Variants in CFAP100 observed in about 807,000 individuals in gnomAD.
CFAP100 encodes cilia and flagella associated protein 100.
A neutral mutation model predicts 81.5 loss-of-function variants in CFAP100; 70 were observed. The observed-to-expected ratio is 0.86, with a 90% CI of 0.71 to 1.05. The LOEUF is 1.05. Ranked by LOEUF, CFAP100 falls within the 50% of genes least tolerant of loss-of-function variation. The pLI is 0.00. For synonymous variants in CFAP100, 341 were observed against 314.8 expected, an observed-to-expected ratio of 1.08 and a Z score of -0.88; for missense variants, 811 against 776.5, an observed-to-expected ratio of 1.04 and a Z score of -0.53.
At chr3:126,418,243 A>C (rs2083272854) in intron 5 of CFAP100, 1 of 578,828 alleles carries the variant, frequency 1.7e-6, no homozygotes, top group Admixed American at 3.0e-5. Flanking sequence ...ACGCGGCCGG[A>C]CTCTGGCCAT....
At chr3:126,423,434 C>T in intron 12 of CFAP100, 58 bp downstream of exon 12, 1 of 1,607,626 alleles carries the variant, frequency 6.2e-7, no homozygotes, top group East Asian at 2.2e-5. Flanking sequence ...TCCCTGCCCC[C>T]ACCCCTGCCC....
rs143301144 is a variant in CFAP100, at chr3:126,395,924, C to T, written c.-59-18C>T. 6,363 of 1,284,500 alleles carry T rather than the reference C, an allele frequency of 5.0e-3. 24 individuals are homozygous for T. Among genetic ancestry groups the T allele is most frequent in the Non-Finnish European group, 5.9e-3 (5,207 of 885,276 alleles). 79.6% of individuals were successfully genotyped at this position (1,284,500 alleles called of 1,614,324 possible). Reference sequence around the variant, plus strand: ...GGGCTTGGGGACCACCAGGCTCAAGCACTGTGTCACTCCTCAGGTGAGGAT... The same window carrying T: ...GGGCTTGGGGACCACCAGGCTCAAGTACTGTGTCACTCCTCAGGTGAGGAT... On this transcript the variant is annotated intron_variant, in intron 1 of 16. Coordinates refer to ENST00000352312, the MANE Select transcript of CFAP100 (RefSeq NM_182628.3).
Position 126,396,014 on chromosome 3 carries a change from C to A in CFAP100, c.14C>A (p.Pro5Gln), listed in dbSNP as rs148868183. The A allele has an allele frequency of 6.8e-5, 109 of 1,613,956 alleles. No individual in the cohort carries two copies. The East Asian group carries it at 2.4e-3, about 35-fold the overall frequency. ...GCCTCAGCCAAGATGTCTGAGATAC[C>A]GTCCACTATAGTCTCCAAGAACATG... MSEI[P>Q]STIVSKNMTN... Residue 5 changes from proline to glutamine, a missense_variant, in exon 2 of 17, where the codon CCG becomes CAG. Transcript: ENST00000352312.
chr3:126,400,942 C>A (rs62264674), intron 2 of CFAP100, among the ~76,000 whole-genome samples: 12,077 of 152,184 alleles, frequency 0.079, 660 homozygotes, highest in African/African-American at 0.15. Flanking sequence ...CCTGAGTATC[C>A]ATCAATGGAG....
chr3:126,434,121 C>T (rs1352046782), intron 14 of CFAP100, 55 bp from the exon 15 acceptor site: 1 of 1,521,028 alleles, frequency 6.6e-7, no homozygotes, highest in Non-Finnish European at 9.0e-7. Context: ...AAGGCACTGG[C>T]ATGGGGGTGG....
intron 2 of CFAP100, among the ~76,000 whole-genome samples, chr3:126,402,186 A>G (rs911286853): frequency 2.0e-5 from 3 of 152,218 alleles, no homozygotes; most frequent in African/African-American, 7.2e-5. Context: ...GTCTGGCACC[A>G]TCACTAACCC....
chr3:126,400,544 G>C (rs776691811), intron 2 of CFAP100, among the ~76,000 whole-genome samples: 24 of 152,106 alleles, frequency 1.6e-4, no homozygotes, highest in Non-Finnish European at 2.5e-4. Flanking sequence ...ACGAGGTCAG[G>C]AGATTGAGAC....
At chr3:126,433,288 G>C (rs1257623637) in intron 14 of CFAP100, 84 bp downstream of exon 14, 2 of 1,518,012 alleles carry the variant, frequency 1.3e-6, no homozygotes, top group Admixed American at 3.6e-5. Flanking sequence ...ACAGCCCTTG[G>C]GAAGATGGAG....
chr3:126,416,407 T>A lies in CFAP100; in HGVS notation c.317T>A (p.Leu106Gln). The change falls in exon 5 of 17, where the codon CTG becomes CAG. Residue 106 changes from leucine to glutamine, a missense_variant. Coordinates refer to ENST00000352312, the MANE Select transcript of CFAP100 (RefSeq NM_182628.3). ...AAGCACACCAGCCTGCGGCGGCAGC[T>A]GCAGCTGGAGGACAAGCAGGAGGAC... The part of the protein sequence containing the change: ...SAKHTSLRRQ[L>Q]QLEDKQEDLE... The A allele has an allele frequency of 6.2e-7, 1 of 1,612,072 alleles. No homozygotes were observed. Among genetic ancestry groups the A allele is most frequent in the Non-Finnish European group, 8.5e-7 (1 of 1,179,544 alleles).
chr3:126,414,126 G>A lies in CFAP100; in HGVS notation c.172G>A (p.Gly58Arg). 6.2e-7 allele frequency: 1 copy of A among 1,614,088 alleles called. No individual in the cohort carries two copies. Among genetic ancestry groups the A allele is most frequent in the Non-Finnish European group, 8.5e-7 (1 of 1,179,948 alleles). ...DPSANPFHLSGDVDFFLLRDQ... is the reference protein window; with the variant it reads ...DPSANPFHLSRDVDFFLLRDQ... ...TTCAGCGAACCCTTTCCACTTATCTGGGGATGTGGATTTCTTCTTGCTCAG... is the reference window on the plus strand; with the variant it reads ...TTCAGCGAACCCTTTCCACTTATCTAGGGATGTGGATTTCTTCTTGCTCAG... The change falls in exon 4 of 17, where the codon GGG becomes AGG. Residue 58 changes from glycine to arginine, a missense_variant. Coordinates refer to ENST00000352312, the MANE Select transcript of CFAP100 (RefSeq NM_182628.3).
chr3:126,395,810 G>C (rs1001318261), intron 1 of CFAP100, 132 bp from the exon 2 acceptor site: 13 of 598,566 alleles, frequency 2.2e-5, no homozygotes, highest in Non-Finnish European at 3.6e-5. Flanking sequence ...CCCTCGGGTG[G>C]GAGAGGCAGG....
At position 126,416,305 on chromosome 3, in the gene CFAP100, G is replaced by T. The variant is rs2083238776; in HGVS notation, c.226-11G>T. ...GCCTGGGCCCCGCCCGACTTGGCCC[G>T]ACGCCCCCAGGAACGGCAGCAGCAG... On this transcript the variant is annotated splice_polypyrimidine_tract_variant and intron_variant, in intron 4 of 16. Coordinates refer to ENST00000352312, the MANE Select transcript of CFAP100 (RefSeq NM_182628.3). 1.9e-6 allele frequency: 3 copies of T among 1,574,452 alleles called. No homozygotes were observed. Among genetic ancestry groups the T allele is most frequent in the African/African-American group, 2.7e-5 (2 of 73,562 alleles).
chr3:126,425,111 G>C (rs537374255), intron 13 of CFAP100, among the ~76,000 whole-genome samples: 1 of 152,366 alleles, frequency 6.6e-6, no homozygotes, highest in South Asian at 2.1e-4. Flanking sequence ...CTGGGGAGAG[G>C]TGGACAGGCT....
In CFAP100 at chr3:126,419,950, C is replaced by T. The variant is rs774688196; in HGVS notation, c.914-30C>T. The T allele has an allele frequency of 6.8e-6, 11 of 1,612,826 alleles. No homozygotes were observed. The Admixed American group carries it at 1.8e-4, about 27-fold the overall frequency. On this transcript the variant is annotated intron_variant, in intron 9 of 16. Coordinates refer to ENST00000352312, the MANE Select transcript of CFAP100 (RefSeq NM_182628.3). Reference sequence around the variant, plus strand: ...TGCTGAAGCTTGGCTGCAGCTGAGGCCATCGGGGCCCCCCCTTTGCTTCCT... The same window carrying T: ...TGCTGAAGCTTGGCTGCAGCTGAGGTCATCGGGGCCCCCCCTTTGCTTCCT...
chr3:126,400,684 G>A (rs562691477), intron 2 of CFAP100, among the ~76,000 whole-genome samples: 5 of 152,154 alleles, frequency 3.3e-5, no homozygotes, highest in South Asian at 2.1e-4. Context: ...CCCGGGAGGC[G>A]GAGCTTGCAG....
intron 2 of CFAP100, among the ~76,000 whole-genome samples, chr3:126,398,207 G>A (rs929427455): frequency 3.3e-5 from 5 of 152,196 alleles, no homozygotes; most frequent in Non-Finnish European, 7.4e-5. Context: ...GGGGCTGCAG[G>A]AATGCCCGGA....
intron 11 of CFAP100, among the ~76,000 whole-genome samples, chr3:126,422,188 T>G (rs1001634034): frequency 6.6e-6 from 1 of 152,196 alleles, no homozygotes; most frequent in African/African-American, 2.4e-5. Flanking sequence ...CAGGTCAGGC[T>G]CCCTGACCCA....
chr3:126,416,625 A>C (rs1217509122), intron 5 of CFAP100, 117 bp downstream of exon 5: 1 of 891,768 alleles, frequency 1.1e-6, no homozygotes, highest in African/African-American at 1.7e-5. Flanking sequence ...GTGCTTTTCA[A>C]GTGCTTCGGA....
At chr3:126,416,605 C>T in intron 5 of CFAP100, 97 bp downstream of exon 5, 1 of 1,069,080 alleles carries the variant, frequency 9.4e-7, no homozygotes, top group South Asian at 1.7e-5. Flanking sequence ...TCATCTTGCA[C>T]AGATGGGAAG....
Sources: allele counts gnomAD v4.1 joint callset (sites outside exome capture counted in the v4.1 genomes callset), GRCh38; gene constraint gnomAD v4.1.1; transcripts MANE v1.5; gene names NCBI Gene and HGNC (gene_info 2026-07-23, HGNC 2026-07-21).